Variants in PUM1 observed in about 807,000 individuals in gnomAD.
PUM1 encodes pumilio RNA binding family member 1, also known as pumilio homolog 1.
PUM1 carries 13 observed loss-of-function variants against 131.8 expected under a neutral mutation model. The ratio of observed to expected loss-of-function variants is 0.10; its 90% CI spans 0.06 to 0.16. The LOEUF is 0.16. Among genes scored for constraint, PUM1 ranks in the 10% least tolerant of loss-of-function variants. The probability of loss-of-function intolerance (pLI) is 1.00; values close to 1 mark genes in which losing one functional copy is unlikely to be tolerated. For synonymous variants in PUM1, 509 were observed against 556.5 expected (o/e 0.91, Z 1.20); for missense variants, 961 against 1,512.4 (o/e 0.64, Z 6.05).
In PUM1 at chr1:30,953,833, G is replaced by T; in HGVS notation, c.2472C>A (p.Val824=). ...AAAGCCTGCTCCTGCCAGAAGGCAT[G>T]ACATCAGACATTCCATATCGCAAAC... ...SSRLRYGMSD[V]MPSGRSRLLE... is the part of the protein sequence containing the mutation. The change falls in exon 15 of 22, where the codon GTC becomes GTA. Residue 824 remains valine, a synonymous_variant. Transcript: ENST00000426105. The T allele has an allele frequency of 6.2e-7, 1 of 1,614,256 alleles. No individual in the cohort carries two copies. Among genetic ancestry groups the T allele is most frequent in the Non-Finnish European group, 8.5e-7 (1 of 1,180,040 alleles).
chr1:30,933,439 T>G (rs113408862), intron 21 of PUM1, 97 bp from the exon 22 acceptor site: 9 of 362,424 alleles, frequency 2.5e-5, no homozygotes, highest in East Asian at 9.0e-5. Context: ...CACACACACA[T>G]ACACACACAC....
intron 18 of PUM1, among the ~76,000 whole-genome samples, chr1:30,943,629 G>C (rs1206252078): frequency 6.6e-6 from 1 of 152,092 alleles, no homozygotes; most frequent in Non-Finnish European, 1.5e-5. Context: ...AGAGAATAAT[G>C]GTGTTTAAAC....
In PUM1 at chr1:31,040,875, A is replaced by T. The variant is rs142811691; in HGVS notation, c.364-12011T>A. On this transcript the variant is annotated intron_variant, in intron 2 of 21. Coordinates refer to ENST00000426105, the MANE Select transcript of PUM1 (RefSeq NM_001020658.2). Reference sequence around the variant, plus strand: ...AACAGGAAAGAAAACGCACACACACACGAGTGCGTGAGCAAAAGGGTGAGA... The same window carrying T: ...AACAGGAAAGAAAACGCACACACACTCGAGTGCGTGAGCAAAAGGGTGAGA... 8.1e-3 allele frequency among the ~76,000 whole-genome samples: 1,230 copies of T among 152,310 alleles called. 19 individuals are homozygous for T. Among genetic ancestry groups the T allele is most frequent in the African/African-American group, 0.028 (1,179 of 41,574 alleles).
At chr1:31,044,274 G>A (rs1333462278) in intron 2 of PUM1, among the ~76,000 whole-genome samples, 2 of 152,032 alleles carry the variant, frequency 1.3e-5, no homozygotes, top group Non-Finnish European at 2.9e-5. Flanking sequence ...GGTGGCGGGC[G>A]CCTGTAGTCC....
chr1:31,026,270 A>G (rs1284538164), intron 3 of PUM1, among the ~76,000 whole-genome samples: 5 of 150,168 alleles, frequency 3.3e-5, no homozygotes, highest in Non-Finnish European at 7.4e-5. Context: ...AAAAAAAAAA[A>G]AGAAAAGGAA....
chr1:31,040,697 G>A (rs1223183874), intron 2 of PUM1, among the ~76,000 whole-genome samples: 1 of 152,062 alleles, frequency 6.6e-6, no homozygotes, highest in Non-Finnish European at 1.5e-5. Context: ...CTTGAGGCCA[G>A]GAGTTCAAGT....
intron 21 of PUM1, among the ~76,000 whole-genome samples, chr1:30,935,227 C>G (rs1488125764): frequency 1.3e-5 from 2 of 152,210 alleles, no homozygotes; most frequent in Non-Finnish European, 2.9e-5. Flanking sequence ...ACTTGTTTTA[C>G]TTCTTCAGAT....
chr1:31,019,769 T>C (rs1437888175), intron 3 of PUM1, among the ~76,000 whole-genome samples: 4 of 152,230 alleles, frequency 2.6e-5, no homozygotes, highest in Admixed American at 1.3e-4. Flanking sequence ...CAGTAAAGTA[T>C]GTTGATAAAA....
At position 30,980,179 on chromosome 1, in the gene PUM1, C is replaced by A. The variant is rs1209210871; in HGVS notation, c.1253-16G>T. 21 of 1,607,224 alleles carry A rather than the reference C, an allele frequency of 1.3e-5. No homozygotes were observed. The highest frequency in any genetic ancestry group is 1.7e-5 in the Non-Finnish European group (20 of 1,174,688). On this transcript the variant is annotated splice_polypyrimidine_tract_variant and intron_variant, in intron 8 of 21. Coordinates refer to ENST00000426105, the MANE Select transcript of PUM1 (RefSeq NM_001020658.2). ...GGAGCTAAACCTGCTGAAAACATAC[C>A]TGTCAGTAAAAACAAACTTGACTAA...
At chr1:31,010,468 T>C (rs2124516395) in intron 3 of PUM1, among the ~76,000 whole-genome samples, 2 of 152,282 alleles carry the variant, frequency 1.3e-5, no homozygotes, top group Middle Eastern at 3.4e-3. Context: ...CCTGATTGCT[T>C]ACTCTGATGA....
At chr1:30,973,257 A>AC (rs1641000702) in intron 10 of PUM1, among the ~76,000 whole-genome samples, 1 of 151,802 alleles carries the variant, frequency 6.6e-6, no homozygotes, top group Non-Finnish European at 1.5e-5. Flanking sequence ...GAATCTAAAA[A>AC]AAAAAAAAAA....
chr1:30,971,849 TTTAA>T (rs772212545), intron 10 of PUM1, among the ~76,000 whole-genome samples: 11 of 152,220 alleles, frequency 7.2e-5, no homozygotes, highest in Admixed American at 4.6e-4. Flanking sequence ...TAGACCTAAT[TTTAA>T]AACATGGTAA....
At chr1:31,065,532 A>ACT in intron 1 of PUM1, 84 bp downstream of exon 1, 4 of 1,438,298 alleles carry the variant, frequency 2.8e-6, no homozygotes, top group Non-Finnish European at 3.7e-6. Flanking sequence ...CCCCACAACC[A>ACT]CTCTCAAACA....
At chr1:30,989,289 T>G (rs1641683833) in intron 7 of PUM1, among the ~76,000 whole-genome samples, 1 of 152,136 alleles carries the variant, frequency 6.6e-6, no homozygotes. Flanking sequence ...CTACCTCTTC[T>G]GGCTGGGCGC....
At chr1:30,959,795 T>C (rs1259117438) in intron 14 of PUM1, among the ~76,000 whole-genome samples, 1 of 151,200 alleles carries the variant, frequency 6.6e-6, no homozygotes, top group Non-Finnish European at 1.5e-5. Flanking sequence ...TAGTCCCAGC[T>C]ACTTGGGAAG....
intron 6 of PUM1, among the ~76,000 whole-genome samples, chr1:30,992,879 TCA>T (rs1355518818): frequency 6.6e-6 from 1 of 152,178 alleles, no homozygotes; most frequent in African/African-American, 2.4e-5. Flanking sequence ...CCCCTTAAAT[TCA>T]CATTAATTGC....
Position 30,979,137 on chromosome 1 carries a change from GA to G in PUM1, c.1354+924del, listed in dbSNP as rs747020680. Among the ~76,000 whole-genome samples the G allele has an allele frequency of 1.2e-3, 151 of 125,410 alleles. 2 individuals are homozygous for G. Among genetic ancestry groups the G allele is most frequent in the Admixed American group, 2.5e-3 (31 of 12,454 alleles). 82.3% of individuals were successfully genotyped at this position (125,410 alleles called of 152,430 possible). ...AAAAAGAGAGAGAGAGAAAGAAAGA[GA>G]AAAAAAAAAAGAGGGGAAAAAACTC... is the stretch of plus-strand genomic sequence containing the variant. On this transcript the variant is annotated intron_variant, in intron 9 of 21. Coordinates refer to ENST00000426105, the MANE Select transcript of PUM1 (RefSeq NM_001020658.2).
intron 7 of PUM1, among the ~76,000 whole-genome samples, chr1:30,987,875 T>A (rs532746539): frequency 3.3e-5 from 5 of 152,330 alleles, no homozygotes; most frequent in Admixed American, 2.6e-4. Flanking sequence ...TGTGACATTA[T>A]CACAAACAGA....
chr1:30,968,171 C>T, intron 11 of PUM1, 183 bp downstream of exon 11: 1 of 844,376 alleles, frequency 1.2e-6, no homozygotes, highest in Non-Finnish European at 2.0e-6. Context: ...AAGACTGGCT[C>T]AGAACAATGC....
Sources: allele counts gnomAD v4.1 joint callset (sites outside exome capture counted in the v4.1 genomes callset), GRCh38; gene constraint gnomAD v4.1.1; transcripts MANE v1.5; gene names NCBI Gene and HGNC (gene_info 2026-07-23, HGNC 2026-07-21).